ANO5: variants seen among roughly 807,000 people sequenced by gnomAD.
ANO5 encodes the protein anoctamin-5.
A neutral mutation model predicts 121.0 loss-of-function variants in ANO5; 109 were observed. That is an observed-to-expected ratio of 0.90 (90% CI 0.77 to 1.06). ANO5 has a LOEUF of 1.06. Among genes scored for constraint, ANO5 ranks in the 50% least tolerant of loss-of-function variants. ANO5 has a pLI of 0.00. For missense variants in ANO5, 1,064 were observed against 1,078.5 expected, an observed-to-expected ratio of 0.99 and a Z score of 0.19; for synonymous variants, 406 against 359.9, an observed-to-expected ratio of 1.13 and a Z score of -1.45.
intron 7 of ANO5, among the ~76,000 whole-genome samples, chr11:22,228,823 C>G (rs570851677): frequency 6.6e-6 from 1 of 151,790 alleles, no homozygotes; most frequent in East Asian, 1.9e-4. Flanking sequence ...ATGGCTATAT[C>G]TAGCCATAAA....
intron 12 of ANO5, among the ~76,000 whole-genome samples, chr11:22,251,239 T>G (rs1478844942): frequency 2.0e-5 from 3 of 152,220 alleles, no homozygotes; most frequent in Non-Finnish European, 4.4e-5. Context: ...ACAACATAAT[T>G]TTTGAAACAT....
intron 1 of ANO5, among the ~76,000 whole-genome samples, chr11:22,196,314 T>A (rs945068462): frequency 3.3e-5 from 5 of 152,112 alleles, no homozygotes; most frequent in Admixed American, 3.3e-4. Context: ...CCAATTCTAA[T>A]GTAACTGTTG....
intron 13 of ANO5, among the ~76,000 whole-genome samples, chr11:22,256,734 T>G (rs1302998989): frequency 1.7e-5 from 2 of 120,138 alleles, no homozygotes; most frequent in Admixed American, 1.4e-4. Context: ...AGTTTTTTTT[T>G]GTTTTGTTTT....
At position 22,211,333 on chromosome 11, in the gene ANO5, T is replaced by C; in HGVS notation, c.138+19T>C. On this transcript the variant is annotated intron_variant, in intron 3 of 21. Coordinates refer to ENST00000324559, the MANE Select transcript of ANO5 (RefSeq NM_213599.3). Reference sequence around the variant, plus strand: ...AACAATGGTAAGCAGCGACCAGTACTATCCTTTCTTGCATGGACACAAATG... The same window carrying C: ...AACAATGGTAAGCAGCGACCAGTACCATCCTTTCTTGCATGGACACAAATG... 6.2e-7 allele frequency: 1 copy of C among 1,610,018 alleles called. No individual in the cohort carries two copies. Among genetic ancestry groups the C allele is most frequent in the Non-Finnish European group, 8.5e-7 (1 of 1,176,814 alleles).
intron 2 of ANO5, among the ~76,000 whole-genome samples, chr11:22,204,757 A>C (rs1309081797): frequency 6.6e-6 from 1 of 152,164 alleles, no homozygotes; most frequent in Admixed American, 6.5e-5. Context: ...GGGAGTGTAC[A>C]TTAGTTCAGG....
intron 2 of ANO5, among the ~76,000 whole-genome samples, chr11:22,207,706 T>C (rs1475966796): frequency 6.6e-6 from 1 of 152,090 alleles, no homozygotes; most frequent in Non-Finnish European, 1.5e-5. Context: ...AGAATTATTG[T>C]TCCCTGAAAG....
Position 22,270,489 on chromosome 11 carries a change from T to G in ANO5, c.2029+47T>G, listed in dbSNP as rs200453472. The G allele has an allele frequency of 3.9e-5, 62 of 1,610,102 alleles. No individual in the cohort carries two copies. In the East Asian group the frequency reaches 1.4e-3, roughly 36 times the overall value. On this transcript the variant is annotated intron_variant, in intron 18 of 21. Transcript: ENST00000324559. ...GAAACATAGAGTTGGCATGAATGAG[T>G]GGTTTTTCAGCTCCAGATACTTCTT...
chr11:22,252,029 CAAAAAAAAAAAAA>C (rs10525160), intron 12 of ANO5, among the ~76,000 whole-genome samples: 960 of 45,894 alleles, frequency 0.021, 36 homozygotes, highest in African/African-American at 0.062. Flanking sequence ...GACGCCGTCT[CAAAAAAAAAAAAA>C]AAAAAAAAAA....
In ANO5 at chr11:22,239,571, C is replaced by T. The variant is rs2133663074; in HGVS notation, c.765C>T (p.Gly255=). Residue 255 remains glycine, a splice_region_variant and synonymous_variant, in exon 9 of 22, where the codon GGC becomes GGT. Coordinates refer to ENST00000324559, the MANE Select transcript of ANO5 (RefSeq NM_213599.3). ...TYSSAYPLHD[G]QYWKPSEPPN... ...ACCCTCCTCTTGAATATCTGCAGGG[C>T]CAATATTGGAAGCCATCAGAACCTC... 1 of 1,606,932 alleles carries T rather than the reference C, an allele frequency of 6.2e-7. No homozygotes were observed. Among genetic ancestry groups the T allele is most frequent in the Non-Finnish European group, 8.5e-7 (1 of 1,173,852 alleles).
chr11:22,241,947 C>CA (rs1853446981), intron 9 of ANO5, among the ~76,000 whole-genome samples: 1 of 152,004 alleles, frequency 6.6e-6, no homozygotes, highest in Non-Finnish European at 1.5e-5. Context: ...GTGACTTAGC[C>CA]AAAAATTATT....
chr11:22,197,578 A>G (rs767440722), intron 1 of ANO5, among the ~76,000 whole-genome samples: 2 of 152,214 alleles, frequency 1.3e-5, no homozygotes, highest in Admixed American at 6.5e-5. Context: ...CAACTAAGCC[A>G]TCCGTCTTTA....
chr11:22,264,200 T>G (rs1271387350), intron 17 of ANO5, among the ~76,000 whole-genome samples: 2 of 151,926 alleles, frequency 1.3e-5, no homozygotes, highest in Non-Finnish European at 2.9e-5. Context: ...AGTTTCTGTA[T>G]TTTTAGTATA....
rs767903417 is a variant in ANO5, at chr11:22,239,552, C to A, written c.763-17C>A. On this transcript the variant is annotated splice_polypyrimidine_tract_variant and intron_variant, in intron 8 of 21. Coordinates refer to ENST00000324559, the MANE Select transcript of ANO5 (RefSeq NM_213599.3). ...TTTGCTTCGTCTTTTATGTACCCTC[C>A]TCTTGAATATCTGCAGGGCCAATAT... is the stretch of plus-strand genomic sequence containing the variant. The A allele has an allele frequency of 3.8e-6, 6 of 1,565,140 alleles. No individual in the cohort carries two copies. The African/African-American group carries it at 6.8e-5, about 18-fold the overall frequency.
chr11:22,218,320 T>C, intron 4 of ANO5, 33 bp downstream of exon 4: 1 of 1,611,720 alleles, frequency 6.2e-7, no homozygotes, highest in Non-Finnish European at 8.5e-7. Context: ...CTGCTTATGC[T>C]CTGAATGGCT....
At position 22,263,083 on chromosome 11, in the gene ANO5, C is replaced by A. The variant is rs772630094; in HGVS notation, c.1898+40C>A. 4.0e-6 allele frequency: 6 copies of A among 1,496,804 alleles called. No homozygotes were observed. In the Admixed American group the frequency reaches 6.7e-5, roughly 17 times the overall value. The allele number at this position is 1,496,804 out of a possible 1,614,324, so 92.7% of individuals were successfully genotyped here. A position where few individuals can be genotyped will look rare whatever the true frequency, so the allele number is the denominator to read the frequency against. ...CAAGCTTTTTATTTGATTTAAGTAA[C>A]CATGAGATATTTCCTCTAGAAGAAG... On this transcript the variant is annotated intron_variant, in intron 17 of 21. Coordinates refer to ENST00000324559, the MANE Select transcript of ANO5 (RefSeq NM_213599.3).
At chr11:22,198,162 A>G (rs894833697) in intron 1 of ANO5, among the ~76,000 whole-genome samples, 2 of 152,168 alleles carry the variant, frequency 1.3e-5, no homozygotes, top group Admixed American at 1.3e-4. Flanking sequence ...TCACAAAAGG[A>G]TGCAGTTGAC....
intron 1 of ANO5, among the ~76,000 whole-genome samples, chr11:22,196,266 G>A (rs1851807583): frequency 1.3e-5 from 2 of 152,142 alleles, no homozygotes; most frequent in Admixed American, 1.3e-4. Context: ...ATTAGACCAA[G>A]AGATAAATGT....
intron 15 of ANO5, among the ~76,000 whole-genome samples, chr11:22,261,831 C>A (rs1331848533): frequency 6.7e-6 from 1 of 148,898 alleles, no homozygotes; most frequent in Non-Finnish European, 1.5e-5. Flanking sequence ...GAGTGCCAAA[C>A]CATATCATGT....
chr11:22,255,550 G>T, intron 13 of ANO5, 28 bp downstream of exon 13: 1 of 1,610,570 alleles, frequency 6.2e-7, no homozygotes, highest in Non-Finnish European at 8.5e-7. Flanking sequence ...GAAACGGACA[G>T]CATATCTCAA....
Sources: allele counts gnomAD v4.1 joint callset (sites outside exome capture counted in the v4.1 genomes callset), GRCh38; gene constraint gnomAD v4.1.1; transcripts MANE v1.5; gene names NCBI Gene and HGNC (gene_info 2026-07-23, HGNC 2026-07-21).